HLCS: variants seen among roughly 807,000 people sequenced by gnomAD.
The protein encoded by HLCS is holocarboxylase synthetase.
A neutral mutation model predicts 75.0 loss-of-function variants in HLCS; 53 were observed. That is an observed-to-expected ratio of 0.71 (90% confidence interval 0.57 to 0.89). The LOEUF (loss-of-function observed/expected upper bound fraction) is 0.89. HLCS is among the 40% of genes least tolerant of loss of function. The pLI, the probability that HLCS is intolerant of heterozygous loss-of-function variation, is 0.00. For synonymous variants in HLCS, 431 were observed against 428.6 expected, an observed-to-expected ratio of 1.01 and a Z score of -0.07; for missense variants, 966 against 1,074.0, an observed-to-expected ratio of 0.90 and a Z score of 1.41.
At chr21:36,882,156 C>T (rs1190902925) in intron 6 of HLCS, among the ~76,000 whole-genome samples, 1 of 150,552 alleles carries the variant, frequency 6.6e-6, no homozygotes, top group African/African-American at 2.4e-5. Flanking sequence ...GTGGCAGGTG[C>T]CTGTAGTCCT....
chr21:36,901,767 T>A (rs2072958820), intron 5 of HLCS, among the ~76,000 whole-genome samples: 1 of 152,314 alleles, frequency 6.6e-6, no homozygotes, highest in African/African-American at 2.4e-5. Flanking sequence ...CCTAATGACC[T>A]CATCTTCACT....
chr21:36,932,766 G>A (rs1020521452), intron 4 of HLCS, among the ~76,000 whole-genome samples: 1 of 152,196 alleles, frequency 6.6e-6, no homozygotes, highest in African/African-American at 2.4e-5. Context: ...GCTTTCAGGC[G>A]ACTTAGAATC....
rs746168186 is a variant in HLCS, at chr21:36,956,686, T to C, written c.330+5350A>G. 2.3e-4 allele frequency among the ~76,000 whole-genome samples: 35 copies of C among 151,420 alleles called. 1 individual carries two copies. The highest frequency in any genetic ancestry group is 1.8e-3 in the Admixed American group (28 of 15,196). On this transcript the variant is annotated intron_variant, in intron 2 of 10. Transcript: ENST00000674895. ...CAGGGTTGGCAGTGAGCCGAGATCG[T>C]GCCACTGCACTCTAGCCTAGGCAAC...
At chr21:36,804,597 C>G (rs1444734401) in intron 6 of HLCS, among the ~76,000 whole-genome samples, 1 of 152,174 alleles carries the variant, frequency 6.6e-6, no homozygotes, top group Non-Finnish European at 1.5e-5. Flanking sequence ...AGCAAGATGT[C>G]CTATGGAGCT....
intron 5 of HLCS, among the ~76,000 whole-genome samples, chr21:36,918,832 T>C (rs773288885): frequency 5.3e-5 from 8 of 152,192 alleles, no homozygotes; most frequent in Admixed American, 2.0e-4. Flanking sequence ...GTTACAGGGG[T>C]TAACATCAGT....
Position 36,825,489 on chromosome 21 carries a change from G to A in HLCS, c.1893-58204C>T, listed in dbSNP as rs150665579. 2.6e-3 allele frequency among the ~76,000 whole-genome samples: 389 copies of A among 152,194 alleles called. 2 individuals are homozygous for A. Among genetic ancestry groups the A allele is most frequent in the Non-Finnish European group, 4.3e-3 (290 of 68,004 alleles). On this transcript the variant is annotated intron_variant, in intron 6 of 10. Coordinates refer to ENST00000674895, the MANE Select transcript of HLCS (RefSeq NM_001352514.2). ...TGTGTGTATGTGTGTGTGTGTACAC[G>A]TAAATATACATATATATTGTTCTAC...
chr21:36,908,391 T>TAA (rs58309194), intron 5 of HLCS, among the ~76,000 whole-genome samples: 34 of 142,116 alleles, frequency 2.4e-4, no homozygotes, highest in African/African-American at 3.4e-4. Flanking sequence ...TCCTGTCTCT[T>TAA]AAAAAAAAAA....
chr21:36,911,560 C>T (rs1473012043), intron 5 of HLCS, among the ~76,000 whole-genome samples: 3 of 151,410 alleles, frequency 2.0e-5, no homozygotes, highest in African/African-American at 7.3e-5. Flanking sequence ...CTGGCTAACA[C>T]GGTGAAACCC....
At position 36,888,443 on chromosome 21, in the gene HLCS, AAAATATATATATAT is replaced by A. The variant is rs1241012952; in HGVS notation, c.1892+8403_1892+8416del. 7.9e-3 allele frequency among the ~76,000 whole-genome samples: 225 copies of A among 28,304 alleles called. 5 individuals carry two copies. Among genetic ancestry groups the A allele is most frequent in the Non-Finnish European group, 0.011 (158 of 14,098 alleles). The allele number at this position is 28,304 out of a possible 152,430, so 18.6% of individuals were successfully genotyped here. On this transcript the variant is annotated intron_variant, in intron 6 of 10. Coordinates refer to ENST00000674895, the MANE Select transcript of HLCS (RefSeq NM_001352514.2). ...GCCCCCTTCCCATTTAAAAAAAAAA[AAAATATATATATAT>A]ATATATATATATATATATATATATA...
chr21:36,863,136 C>T (rs2835508), intron 6 of HLCS, among the ~76,000 whole-genome samples: 43,773 of 151,834 alleles, frequency 0.29, 7,535 homozygotes, highest in African/African-American at 0.49. Context: ...AATATGAGTG[C>T]ACATTATTCT....
intron 6 of HLCS, among the ~76,000 whole-genome samples, chr21:36,804,961 C>T (rs1601326798): frequency 6.6e-6 from 1 of 152,156 alleles, no homozygotes; most frequent in African/African-American, 2.4e-5. Flanking sequence ...TCCATGGTTC[C>T]CTCTTAACAG....
intron 6 of HLCS, among the ~76,000 whole-genome samples, chr21:36,787,986 C>T (rs1381513339): frequency 3.9e-5 from 6 of 152,184 alleles, no homozygotes; most frequent in Non-Finnish European, 8.8e-5. Flanking sequence ...GCTCTGCATC[C>T]CTCTGGGTTG....
At position 36,865,465 on chromosome 21, in the gene HLCS, G is replaced by T. The variant is rs565623149; in HGVS notation, c.1892+31395C>A. ...CAATAAAGTGTTTTTCAGAAAAACA[G>T]AGAAAAGCTCTATAAATTAGAACTC... On this transcript the variant is annotated intron_variant, in intron 6 of 10. Coordinates refer to ENST00000674895, the MANE Select transcript of HLCS (RefSeq NM_001352514.2). Among the ~76,000 whole-genome samples, 4 of 152,230 alleles carry T rather than the reference G, an allele frequency of 2.6e-5. No homozygotes were observed. In the South Asian group the frequency reaches 8.3e-4, roughly 32 times the overall value.
At chr21:36,821,479 C>T (rs1158802535) in intron 6 of HLCS, among the ~76,000 whole-genome samples, 1 of 152,234 alleles carries the variant, frequency 6.6e-6, no homozygotes, top group Non-Finnish European at 1.5e-5. Context: ...ACACGGCCAC[C>T]GTGTCACACT....
Position 36,754,267 on chromosome 21 carries a change from G to T in HLCS, c.2601C>A (p.Leu867=), listed in dbSNP as rs372467001. ...DGNSFDMLRN[L]ILPKRR ...GGCATTACCGCCGTTTGGGGAGGAT[G>T]AGGTTTCTCAGCATGTCGAAGGAGT... The change falls in exon 11 of 11, where the codon CTC becomes CTA. Residue 867 remains leucine, a synonymous_variant. Coordinates refer to ENST00000674895, the MANE Select transcript of HLCS (RefSeq NM_001352514.2). 2 of 1,614,014 alleles carry T rather than the reference G, an allele frequency of 1.2e-6. No homozygotes were observed. Among genetic ancestry groups the T allele is most frequent in the African/African-American group, 1.3e-5 (1 of 74,942 alleles).
At chr21:36,941,934 G>A (rs2067160204) in intron 2 of HLCS, among the ~76,000 whole-genome samples, 1 of 152,116 alleles carries the variant, frequency 6.6e-6, no homozygotes, top group East Asian at 1.9e-4. Flanking sequence ...TTGAACCCGG[G>A]AGGCAGAGGT....
intron 6 of HLCS, 178 bp downstream of exon 6, chr21:36,896,682 A>T: frequency 1.5e-6 from 1 of 681,150 alleles, no homozygotes; most frequent in Non-Finnish European, 2.5e-6. Context: ...GTGATCAAAG[A>T]ACTTCAATTT....
chr21:36,910,724 C>T (rs2146396736), intron 5 of HLCS, among the ~76,000 whole-genome samples: 1 of 152,230 alleles, frequency 6.6e-6, no homozygotes. Context: ...TGCGTGTGTG[C>T]ACCTCCTCAC....
At chr21:36,795,342 G>T (rs1259668038) in intron 6 of HLCS, among the ~76,000 whole-genome samples, 1 of 152,164 alleles carries the variant, frequency 6.6e-6, no homozygotes, top group Non-Finnish European at 1.5e-5. Flanking sequence ...AGGGCAGGAG[G>T]GATCCGGAAA....
Sources: gnomAD v4.1 joint callset for allele counts (sites outside exome capture counted in the v4.1 genomes callset) on GRCh38, gnomAD v4.1.1 for gene constraint, MANE v1.5 for transcripts, NCBI Gene and HGNC (gene_info 2026-07-23, HGNC 2026-07-21) for gene names.